Variants in PATL1 observed in about 807,000 individuals in gnomAD.
PATL1 encodes protein PAT1 homolog 1.
PATL1 carries 32 observed loss-of-function variants against 100.6 expected under a neutral mutation model. The ratio of observed to expected loss-of-function variants is 0.32; its 90% CI spans 0.24 to 0.43. PATL1 has a LOEUF of 0.43. Ranked by LOEUF, PATL1 falls within the 20% of genes least tolerant of loss-of-function variation. The probability of loss-of-function intolerance (pLI) is 1.00; values close to 1 mark genes in which losing one functional copy is unlikely to be tolerated. For missense variants in PATL1, 747 were observed against 949.9 expected (o/e 0.79, Z 2.81); for synonymous variants, 332 against 330.0 (o/e 1.01, Z -0.07).
In PATL1 at chr11:59,642,960, G is replaced by A; in HGVS notation, c.1969C>T (p.Arg657Ter). ...LPSVSITSLL[R>*]QLMNLPQSAA... ...CTTTGAGGTAGGTTCATTAGCTGTC[G>A]CAAAAGGCTGGTGATACTCACTGAT... is the stretch of plus-strand genomic sequence containing the variant. Residue 657 changes from arginine (R) to a stop codon, truncating the protein, a stop_gained, in exon 16 of 19, where the codon CGA (arginine) becomes TGA (stop). Coordinates refer to ENST00000300146, the MANE Select transcript of PATL1 (RefSeq NM_152716.3). LOFTEE classifies it high-confidence loss of function. The A allele has an allele frequency of 1.9e-6, 3 of 1,613,914 alleles. No individual in the cohort carries two copies. Among genetic ancestry groups the A allele is most frequent in the Non-Finnish European group, 2.5e-6 (3 of 1,179,800 alleles).
chr11:59,660,329 A>G (rs760465951), intron 2 of PATL1, among the ~76,000 whole-genome samples: 7 of 152,196 alleles, frequency 4.6e-5, no homozygotes, highest in Non-Finnish European at 8.8e-5. Flanking sequence ...CCTTCATAAC[A>G]CTTTCATGCA....
At chr11:59,664,254 TC>T (rs992663264) in intron 2 of PATL1, among the ~76,000 whole-genome samples, 8 of 152,138 alleles carry the variant, frequency 5.3e-5, no homozygotes, top group African/African-American at 1.9e-4. Context: ...AAAATACCGT[TC>T]CGGACACTCT....
rs572498228 is a variant in PATL1, at chr11:59,642,829, C to T, written c.2049+51G>A. ...CAGCAGCCATTATTTTAATCTATAA[C>T]GCAAATTAAGACATTTCACAAAGTT... On this transcript the variant is annotated intron_variant, in intron 16 of 18. Coordinates refer to ENST00000300146, the MANE Select transcript of PATL1 (RefSeq NM_152716.3). 4.8e-5 allele frequency: 74 copies of T among 1,541,150 alleles called. 2 individuals carry two copies. In the South Asian group the frequency reaches 7.1e-4, roughly 15 times the overall value.
chr11:59,641,843 G>T (rs1259991615), intron 16 of PATL1, among the ~76,000 whole-genome samples: 1 of 152,066 alleles, frequency 6.6e-6, no homozygotes, highest in African/African-American at 2.4e-5. Flanking sequence ...TAACAGAAAG[G>T]CACATTCCGG....
Position 59,652,542 on chromosome 11 carries a change from G to T in PATL1, c.1348C>A (p.Gln450Lys). 6.2e-7 allele frequency: 1 copy of T among 1,613,802 alleles called. No individual in the cohort carries two copies. ...CGCTCCTTCTTAGGGCCATCACCTT[G>T]TATTTCTTCAGCAGCTGACAGTTTC... ...LEKLSAAEEI[Q>K]GDGPKKERTK... The change falls in exon 11 of 19, where the codon CAA (glutamine) becomes AAA (lysine). Residue 450 changes from glutamine to lysine, a missense_variant. Around this residue, in one of 4 missense-constraint regions of PATL1, gnomAD observed 434 missense variants for 596.1 expected, o/e 0.73. Coordinates refer to ENST00000300146, the MANE Select transcript of PATL1 (RefSeq NM_152716.3).
At chr11:59,665,445 T>C (rs997739646) in intron 2 of PATL1, among the ~76,000 whole-genome samples, 1 of 152,254 alleles carries the variant, frequency 6.6e-6, no homozygotes, top group African/African-American at 2.4e-5. Flanking sequence ...TATTGCTGCT[T>C]TCCAGCACCA....
chr11:59,668,524 C>T (rs1475332759), intron 1 of PATL1, among the ~76,000 whole-genome samples: 5 of 146,640 alleles, frequency 3.4e-5, no homozygotes, highest in Non-Finnish European at 7.5e-5. Flanking sequence ...TGGGAATTCC[C>T]GGGTGACACC....
At chr11:59,643,393 G>A (rs1362146339) in intron 15 of PATL1, among the ~76,000 whole-genome samples, 1 of 151,850 alleles carries the variant, frequency 6.6e-6, no homozygotes, top group African/African-American at 2.4e-5. Context: ...AGAACCTCAG[G>A]GATCTAAAGT....
rs1414971163 is a variant in PATL1 at position 59,659,442 on chromosome 11, C to T, written c.155G>A (p.Arg52His). ...TAGCTTTTCTTCCAATTCAGCCAGG[C>T]GCTCATGTGCTTCCTGCCAATCATC... ...VDDDWQEAHE[R>H]LAELEEKLPV... Residue 52 changes from arginine (R) to histidine (H), a missense_variant, in exon 3 of 19, where the codon CGC becomes CAC. This residue lies in a region of PATL1 where 183 missense variants were observed against 221.2 expected (regional missense o/e 0.83). Transcript: ENST00000300146. 24 of 1,550,596 alleles carry T rather than the reference C, an allele frequency of 1.5e-5. No individual in the cohort carries two copies. The highest frequency in any genetic ancestry group is 1.9e-5 in the Non-Finnish European group (22 of 1,146,932).
Position 59,656,034 on chromosome 11 carries a change from G to C in PATL1, c.735C>G (p.Leu245=). 1 of 1,498,738 alleles carries C rather than the reference G, an allele frequency of 6.7e-7. No homozygotes were observed. The highest frequency in any genetic ancestry group is 8.9e-7 in the Non-Finnish European group (1 of 1,118,942). 92.8% of individuals were successfully genotyped at this position (1,498,738 alleles called of 1,614,324 possible). The part of the protein sequence containing the change: ...NQLCSVPNSS[L]LGHPFPPSVP... ...CACTAGGAGGAAAAGGGTGACCCAG[G>C]AGGGAAGAGTTCTAAGGTAAAAAAA... The change falls in exon 7 of 19, where the codon CTC becomes CTG. Residue 245 remains leucine (L), a synonymous_variant. Transcript: ENST00000300146.
rs759409331 is a variant in PATL1 at position 59,652,996 on chromosome 11, C to A, written c.1144G>T (p.Ala382Ser). Residue 382 changes from alanine to serine, a missense_variant, in exon 10 of 19, where the codon GCG becomes TCG. By Grantham distance (99) the Ala-to-Ser change is moderately conservative. Transcript: ENST00000300146. ...NRSQHRNLNG[A>S]GDRGSHRSSH... ...CTCCGGTGACTTCCTCTATCTCCCG[C>A]ACCATTGAGATTCCGATGCTGACTG... The A allele has an allele frequency of 1.2e-6, 2 of 1,613,298 alleles. No homozygotes were observed.
intron 8 of PATL1, among the ~76,000 whole-genome samples, chr11:59,654,670 AAGT>A (rs1227056576): frequency 6.6e-6 from 1 of 152,070 alleles, no homozygotes; most frequent in African/African-American, 2.4e-5. Flanking sequence ...AGAAGTCTCT[AAGT>A]AGGTTTAACG....
intron 8 of PATL1, among the ~76,000 whole-genome samples, chr11:59,654,723 A>G (rs1488026258): frequency 6.6e-6 from 1 of 152,136 alleles, no homozygotes; most frequent in Non-Finnish European, 1.5e-5. Flanking sequence ...TTAAAGATAT[A>G]TGTGTGACAG....
chr11:59,651,484 C>G, intron 12 of PATL1, 60 bp downstream of exon 12: 1 of 1,338,568 alleles, frequency 7.5e-7, no homozygotes, highest in Non-Finnish European at 1.1e-6. Flanking sequence ...TCCATGGTGA[C>G]CCCAAAAGAA....
At chr11:59,649,108 AT>A (rs1197602089) in intron 14 of PATL1, among the ~76,000 whole-genome samples, 3 of 152,260 alleles carry the variant, frequency 2.0e-5, no homozygotes, top group Non-Finnish European at 2.9e-5. Flanking sequence ...AATAAAGGAA[AT>A]ATATAAAGAT....
intron 1 of PATL1, among the ~76,000 whole-genome samples, chr11:59,667,281 T>C (rs1861704594): frequency 6.6e-6 from 1 of 152,230 alleles, no homozygotes; most frequent in Non-Finnish European, 1.5e-5. Flanking sequence ...CAACTTTCCT[T>C]ACATCACTGG....
chr11:59,655,963 C>A lies in PATL1; in HGVS notation c.806G>T (p.Gly269Val). 1.3e-6 allele frequency: 2 copies of A among 1,590,844 alleles called. No homozygotes were observed. The highest frequency in any genetic ancestry group is 2.3e-5 in the East Asian group (1 of 44,236). The stretch of plus-strand genomic sequence containing the variant: ...GGCTAATCACAGGCTTACCTGTGCT[C>A]CTCCAAGAAGCTGTGCTCTCTGGAG... ...SPLQRAQLLG[G>V]AQLQPGRMSP... Residue 269 changes from glycine (G) to valine (V), a missense_variant, in exon 7 of 19, where the codon GGA becomes GTA. Transcript: ENST00000300146.
chr11:59,668,908 G>T lies in PATL1; in HGVS notation c.-13C>A. 1 of 801,498 alleles carries T rather than the reference G, an allele frequency of 1.2e-6. No individual in the cohort carries two copies. Among genetic ancestry groups the T allele is most frequent in the South Asian group, 2.5e-5 (1 of 39,706 alleles). 49.6% of individuals were successfully genotyped at this position (801,498 alleles called of 1,614,324 possible). On this transcript the variant is annotated 5_prime_UTR_variant, in exon 1 of 19. Transcript: ENST00000300146. ...CGTAGCGGAACATTCTTGGGGAGGG[G>T]GGCAGGGAGCGGGGAGGGGAGAGGG...
rs1421121388 is a variant in PATL1 at position 59,639,689 on chromosome 11, T to G, written c.2050-306A>C. ...GATGGTTTTTCCTTGCCATGGATAA[T>G]GTAGAATTTGACTTTTCTCCTATTT... On this transcript the variant is annotated intron_variant, in intron 16 of 18. Coordinates refer to ENST00000300146, the MANE Select transcript of PATL1 (RefSeq NM_152716.3). 1.4e-5 allele frequency: 3 copies of G among 208,136 alleles called. No individual in the cohort carries two copies. In the Admixed American group the frequency reaches 1.7e-4, roughly 12 times the overall value. 12.9% of individuals were successfully genotyped at this position (208,136 alleles called of 1,614,324 possible). A position where few individuals can be genotyped will look rare whatever the true frequency, so the allele number is the denominator to read the frequency against.
Sources: gnomAD v4.1 joint callset for allele counts (sites outside exome capture counted in the v4.1 genomes callset) on GRCh38, gnomAD v4.1.1 for gene constraint, gnomAD v4.1.1 regional missense constraint, MANE v1.5 for transcripts, NCBI Gene and HGNC (gene_info 2026-07-23, HGNC 2026-07-21) for gene names.